The following HCN3 variants were observed in gnomAD, a reference collection of about 807,000 sequenced individuals.
HCN3 encodes the protein potassium/sodium hyperpolarization-activated cyclic nucleotide-gated channel 3.
HCN3 carries 36 observed loss-of-function variants against 56.8 expected under a neutral mutation model. The ratio of observed to expected loss-of-function variants is 0.63; its 90% CI spans 0.49 to 0.84. The LOEUF (loss-of-function observed/expected upper bound fraction) is 0.84, where lower values mean the gene tolerates loss of function less well. HCN3 is among the 40% of genes least tolerant of loss of function. The probability of loss-of-function intolerance (pLI) is 0.00; values close to 1 mark genes in which losing one functional copy is unlikely to be tolerated. For missense variants in HCN3, 930 were observed against 1,079.3 expected (o/e 0.86, Z 1.94); for synonymous variants, 425 against 439.7 (o/e 0.97, Z 0.42).
Position 155,284,877 on chromosome 1 carries a change from G to A in HCN3, c.1089+120G>A. ...GTCTCTGTTTCCTTTCCTGCCCTGT[G>A]TCCATTTGTTCCCTGCCCCTGCATG... is the stretch of plus-strand genomic sequence containing the variant. On this transcript the variant is annotated intron_variant, in intron 4 of 7. Coordinates refer to ENST00000368358, the MANE Select transcript of HCN3 (RefSeq NM_020897.3). This position sits in a 1 kb window ranked among gnomAD's most constrained non-coding sequence, Gnocchi z 4.3. 3.1e-6 allele frequency: 3 copies of A among 981,388 alleles called. No homozygotes were observed. 60.8% of individuals were successfully genotyped at this position (981,388 alleles called of 1,614,324 possible).
In HCN3 at chr1:155,284,690, T is replaced by C; in HGVS notation, c.1022T>C (p.Met341Thr). 6 of 1,614,236 alleles carry C rather than the reference T, an allele frequency of 3.7e-6. No homozygotes were observed. The highest frequency in any genetic ancestry group is 5.1e-6 in the Non-Finnish European group (6 of 1,180,050). ...SMIVGATCYA[M>T]FIGHATALIQ... is the part of the protein sequence containing the mutation. ...ATCGTAGGTGCCACATGCTACGCCA[T>C]GTTCATCGGCCATGCCACGGCACTC... The change falls in exon 4 of 8, where the codon ATG (methionine) becomes ACG (threonine). Residue 341 changes from methionine (M) to threonine (T), a missense_variant. Physicochemically the swap from Met to Thr is moderately conservative, Grantham distance 81 (BLOSUM62 -1). Transcript: ENST00000368358. This position sits in a 1 kb window ranked among gnomAD's most constrained non-coding sequence, Gnocchi z 4.3.
In HCN3 at chr1:155,287,229, T is replaced by A; in HGVS notation, c.1534T>A (p.Cys512Ser). The A allele has an allele frequency of 1.2e-6, 2 of 1,614,068 alleles. No individual in the cohort carries two copies. Among genetic ancestry groups the A allele is most frequent in the African/African-American group, 2.7e-5 (2 of 75,016 alleles). ...RTASVRADTY[C>S]RLYSLSVDHF... Reference sequence around the variant, plus strand: ...AGCCAGTGTTCGGGCTGACACCTACTGCCGCCTTTACTCACTCAGCGTGGA... The same window carrying A: ...AGCCAGTGTTCGGGCTGACACCTACAGCCGCCTTTACTCACTCAGCGTGGA... The change falls in exon 7 of 8, where the codon TGC (cysteine) becomes AGC (serine). Residue 512 changes from cysteine (C) to serine (S), a missense_variant. Cys to Ser is a moderately radical substitution (Grantham distance 112). Transcript: ENST00000368358.
In HCN3 at chr1:155,285,347, A is replaced by G. The variant is rs778899814; in HGVS notation, c.1236+36A>G. ...GTTGGGCCTGGAAGGGGGGCTCTTCAGGGACCTGGAGTGCTGTCTGGTGGT... is the reference window on the plus strand; with the variant it reads ...GTTGGGCCTGGAAGGGGGGCTCTTCGGGGACCTGGAGTGCTGTCTGGTGGT... On this transcript the variant is annotated intron_variant, in intron 5 of 7. Coordinates refer to ENST00000368358, the MANE Select transcript of HCN3 (RefSeq NM_020897.3). The surrounding 1 kb of genome is among the most constrained non-coding windows in gnomAD (Gnocchi z 4.5). 84 of 1,608,346 alleles carry G rather than the reference A, an allele frequency of 5.2e-5. No individual in the cohort carries two copies. The highest frequency in any genetic ancestry group is 6.9e-5 in the Non-Finnish European group (81 of 1,176,684).
chr1:155,282,759 C>A lies in HCN3; in HGVS notation c.627C>A (p.Ile209=), dbSNP rs770156011. 9.3e-6 allele frequency: 15 copies of A among 1,614,116 alleles called. No homozygotes were observed. The highest frequency in any genetic ancestry group is 1.1e-5 in the Non-Finnish European group (13 of 1,180,028). The part of the protein sequence containing the change: ...EVYKTARALR[I]VRFTKILSLL... ...ACAAAACGGCACGGGCCCTACGCAT[C>A]GTTCGCTTCACCAAGATCCTAAGCC... Residue 209 remains isoleucine, a synonymous_variant, in exon 2 of 8, where the codon ATC becomes ATA. Transcript: ENST00000368358. This position sits in a 1 kb window ranked among gnomAD's most constrained non-coding sequence, Gnocchi z 4.7.
In HCN3 at chr1:155,284,205, G is replaced by A; in HGVS notation, c.870+70G>A. ...CTCTTCTGCCTGAGTAGCAGGGATG[G>A]CCACAGGGAGCAGGAGGTGGGAGAT... On this transcript the variant is annotated intron_variant, in intron 3 of 7. Transcript: ENST00000368358. The surrounding 1 kb of genome is among the most constrained non-coding windows in gnomAD (Gnocchi z 4.3). The A allele has an allele frequency of 1.3e-6, 2 of 1,548,460 alleles. No homozygotes were observed. The highest frequency in any genetic ancestry group is 8.8e-7 in the Non-Finnish European group (1 of 1,130,754).
chr1:155,287,477 C>A (rs1674334681), intron 7 of HCN3, 140 bp downstream of exon 7: 21 of 1,023,520 alleles, frequency 2.1e-5, no homozygotes, highest in Non-Finnish European at 2.7e-5. Context: ...ACAGGACTTT[C>A]AACACTGTGG....
Position 155,277,713 on chromosome 1 carries a change from G to T in HCN3, c.123G>T (p.Gly41=), listed in dbSNP as rs1247183894. ...CCTCAGGTCCGATCCCCAAATCTGGGCCTGAGCCTAAGAGGAGGCACCTTG... is the reference window on the plus strand; with the variant it reads ...CCTCAGGTCCGATCCCCAAATCTGGTCCTGAGCCTAAGAGGAGGCACCTTG... ...TAASGPIPKS[G]PEPKRRHLGT... Residue 41 remains glycine, a synonymous_variant, in exon 1 of 8, where the codon GGG becomes GGT. Transcript: ENST00000368358. The T allele has an allele frequency of 3.8e-6, 6 of 1,582,140 alleles. No individual in the cohort carries two copies. Among genetic ancestry groups the T allele is most frequent in the Non-Finnish European group, 5.2e-6 (6 of 1,164,794 alleles).
At chr1:155,286,110 G>T in intron 6 of HCN3, 146 bp downstream of exon 6, 1 of 1,184,602 alleles carries the variant, frequency 8.4e-7, no homozygotes, top group Non-Finnish European at 1.2e-6. Context: ...GAATCTCTGG[G>T]CTGGGGTCTG....
chr1:155,280,738 A>AT (rs34480594), intron 1 of HCN3, among the ~76,000 whole-genome samples: 867 of 34,598 alleles, frequency 0.025, 129 homozygotes, highest in East Asian at 0.037. Flanking sequence ...ACGCCCAGCT[A>AT]TTTTTTTTTT....
rs1241272916 is a variant in HCN3, at chr1:155,288,393, C to T, written c.2255C>T (p.Ala752Val). The T allele has an allele frequency of 2.5e-6, 4 of 1,613,382 alleles. No individual in the cohort carries two copies. Among genetic ancestry groups the T allele is most frequent in the Non-Finnish European group, 3.4e-6 (4 of 1,179,804 alleles). The part of the protein sequence containing the change: ...SGLLAKPPRT[A>V]QPPRPPVPEP... ...CTCCTGGCCAAACCTCCAAGGACAG[C>T]CCAGCCCCCCAGGCCACCAGTGCCT... The change falls in exon 8 of 8, where the codon GCC (alanine) becomes GTC (valine). Residue 752 changes from alanine to valine, a missense_variant. Coordinates refer to ENST00000368358, the MANE Select transcript of HCN3 (RefSeq NM_020897.3). This position sits in a 1 kb window ranked among gnomAD's most constrained non-coding sequence, Gnocchi z 6.5.
In HCN3 at chr1:155,288,028, T is replaced by C. The variant is rs773183909; in HGVS notation, c.1890T>C (p.Pro630=). Residue 630 remains proline (P), a synonymous_variant, in exon 8 of 8, where the codon CCT becomes CCC. Coordinates refer to ENST00000368358, the MANE Select transcript of HCN3 (RefSeq NM_020897.3). This position sits in a 1 kb window ranked among gnomAD's most constrained non-coding sequence, Gnocchi z 6.5. The part of the protein sequence containing the change: ...VAIALTHQRG[P]LPLSPDSPAT... Reference sequence around the variant, plus strand: ...TTGCCCTGACTCATCAGCGGGGCCCTCTGCCCCTCTCCCCTGACTCTCCAG... The same window carrying C: ...TTGCCCTGACTCATCAGCGGGGCCCCCTGCCCCTCTCCCCTGACTCTCCAG... 1.9e-6 allele frequency: 3 copies of C among 1,613,902 alleles called. No individual in the cohort carries two copies. Among genetic ancestry groups the C allele is most frequent in the Non-Finnish European group, 2.5e-6 (3 of 1,179,976 alleles).
chr1:155,284,394 C>T lies in HCN3; in HGVS notation c.871-145C>T. On this transcript the variant is annotated intron_variant, in intron 3 of 7. Transcript: ENST00000368358. This position sits in a 1 kb window ranked among gnomAD's most constrained non-coding sequence, Gnocchi z 4.3. Reference sequence around the variant, plus strand: ...TAGAGGACCCTTTTGCCTCAGGGCCCCCCAGAACCAAACTTAAGTGCCTGC... The same window carrying T: ...TAGAGGACCCTTTTGCCTCAGGGCCTCCCAGAACCAAACTTAAGTGCCTGC... 1.0e-6 allele frequency: 1 copy of T among 988,508 alleles called. No individual in the cohort carries two copies. Among genetic ancestry groups the T allele is most frequent in the Non-Finnish European group, 1.5e-6 (1 of 688,644 alleles). The allele number at this position is 988,508 out of a possible 1,614,324, so 61.2% of individuals were successfully genotyped here. A position where few individuals can be genotyped will look rare whatever the true frequency, so the allele number is the denominator to read the frequency against.
chr1:155,287,027 C>A, intron 6 of HCN3, 146 bp from the exon 7 acceptor site: 1 of 852,312 alleles, frequency 1.2e-6, no homozygotes, highest in Non-Finnish European at 1.8e-6. Flanking sequence ...GTTTAGGGTT[C>A]CTGGGGCACG....
At chr1:155,280,264 T>TTTTTTTTA (rs1553227356) in intron 1 of HCN3, among the ~76,000 whole-genome samples, 1 of 148,296 alleles carries the variant, frequency 6.7e-6, no homozygotes, top group Non-Finnish European at 1.5e-5. Flanking sequence ...TATTTATTTA[T>TTTTTTTTA]TTTATTTATT....
In HCN3 at chr1:155,282,871, G is replaced by A. The variant is rs1674123679; in HGVS notation, c.708+31G>A. ...GTGGGGAGATGGCGGGCGGGGCAGT[G>A]GGTGGGGGATGTTGGGGGAGAAGGG... On this transcript the variant is annotated intron_variant, in intron 2 of 7. Transcript: ENST00000368358. This position sits in a 1 kb window ranked among gnomAD's most constrained non-coding sequence, Gnocchi z 4.7. 6.5e-7 allele frequency: 1 copy of A among 1,533,698 alleles called. No homozygotes were observed. The highest frequency in any genetic ancestry group is 1.4e-5 in the African/African-American group (1 of 73,066).
In HCN3 at chr1:155,284,758, G is replaced by T; in HGVS notation, c.1089+1G>T. 1 of 1,612,170 alleles carries T rather than the reference G, an allele frequency of 6.2e-7. No homozygotes were observed. The highest frequency in any genetic ancestry group is 8.5e-7 in the Non-Finnish European group (1 of 1,178,796). On this transcript the variant is annotated splice_donor_variant, in intron 4 of 7. Transcript: ENST00000368358. LOFTEE classifies it high-confidence loss of function. The surrounding 1 kb of genome is among the most constrained non-coding windows in gnomAD (Gnocchi z 4.3). Reference sequence around the variant, plus strand: ...TTCCCGGCGTCAGTACCAGGAGAAGGTCAGCAGGGACAGGAGAGGGAGGTG... The same window carrying T: ...TTCCCGGCGTCAGTACCAGGAGAAGTTCAGCAGGGACAGGAGAGGGAGGTG...
intron 6 of HCN3, 64 bp from the exon 7 acceptor site, chr1:155,287,109 G>C: frequency 6.3e-7 from 1 of 1,578,896 alleles, no homozygotes; most frequent in Non-Finnish European, 8.6e-7. Flanking sequence ...CACTGCTGCA[G>C]GCTCAGCAAG....
rs1674130170 is a variant in HCN3, at chr1:155,282,934, T to C, written c.708+94T>C. 7.9e-7 allele frequency: 1 copy of C among 1,267,366 alleles called. No homozygotes were observed. Among genetic ancestry groups the C allele is most frequent in the South Asian group, 1.4e-5 (1 of 70,894 alleles). 78.5% of individuals were successfully genotyped at this position (1,267,366 alleles called of 1,614,324 possible). ...GGTGGACTTCTCTAGGAAGATGCTATGGGTGGGGCTCCTGGTGACCTTATA... is the reference window on the plus strand; with the variant it reads ...GGTGGACTTCTCTAGGAAGATGCTACGGGTGGGGCTCCTGGTGACCTTATA... On this transcript the variant is annotated intron_variant, in intron 2 of 7. Coordinates refer to ENST00000368358, the MANE Select transcript of HCN3 (RefSeq NM_020897.3). This position sits in a 1 kb window ranked among gnomAD's most constrained non-coding sequence, Gnocchi z 4.7.
At position 155,279,189 on chromosome 1, in the gene HCN3, T is replaced by C. The variant is rs561806508; in HGVS notation, c.278+1321T>C. Among the ~76,000 whole-genome samples the C allele has an allele frequency of 6.6e-5, 10 of 152,314 alleles. No individual in the cohort carries two copies. In the South Asian group the frequency reaches 1.9e-3, roughly 28 times the overall value. On this transcript the variant is annotated intron_variant, in intron 1 of 7. Coordinates refer to ENST00000368358, the MANE Select transcript of HCN3 (RefSeq NM_020897.3). ...GCAGTCCGAGTCAGAAGGGGCTAGC[T>C]CCTGAGTTGACACTGGGATTAGGTG...
Sources: allele counts gnomAD v4.1 joint callset (sites outside exome capture counted in the v4.1 genomes callset), GRCh38; gene constraint gnomAD v4.1.1; non-coding constraint Gnocchi (gnomAD v3.1); transcripts MANE v1.5; gene names NCBI Gene and HGNC (gene_info 2026-07-23, HGNC 2026-07-21).